Variants in RIMS2 observed in about 807,000 individuals in gnomAD.
The protein encoded by RIMS2 is regulating synaptic membrane exocytosis protein 2.
RIMS2 carries 59 observed loss-of-function variants against 174.4 expected under a neutral mutation model. The ratio of observed to expected loss-of-function variants is 0.34; its 90% CI spans 0.27 to 0.42. RIMS2 has a LOEUF of 0.42. RIMS2 is among the 10% of genes least tolerant of loss of function. The probability of loss-of-function intolerance (pLI) is 1.00; values close to 1 mark genes in which losing one functional copy is unlikely to be tolerated. For missense variants in RIMS2, 1,620 were observed against 1,666.3 expected (o/e 0.97, Z 0.48); for synonymous variants, 606 against 572.5 (o/e 1.06, Z -0.84).
intron 19 of RIMS2, chr8:104,148,825 G>A: frequency 6.3e-7 from 1 of 1,598,344 alleles, no homozygotes; most frequent in Non-Finnish European, 8.5e-7. Context: ...AAAAGTCGCA[G>A]TGCTTCTCAG....
chr8:103,555,608 T>C (rs565063334), intron 1 of RIMS2, among the ~76,000 whole-genome samples: 1 of 152,160 alleles, frequency 6.6e-6, no homozygotes, highest in South Asian at 2.1e-4. Context: ...AGATATGGAA[T>C]CAACCTAAGG....
chr8:103,834,827 T>G (rs185818578), intron 3 of RIMS2, among the ~76,000 whole-genome samples: 1 of 151,750 alleles, frequency 6.6e-6, no homozygotes, highest in Non-Finnish European at 1.5e-5. Flanking sequence ...CAGACTGGAC[T>G]GCAGTGGCGC....
chr8:104,211,164 G>C (rs2099103589), intron 19 of RIMS2, among the ~76,000 whole-genome samples: 1 of 152,030 alleles, frequency 6.6e-6, no homozygotes, highest in South Asian at 2.1e-4. Flanking sequence ...ATAAAACAGA[G>C]GTTTTTTCTA....
At chr8:104,158,137 A>G (rs1316983439) in intron 19 of RIMS2, among the ~76,000 whole-genome samples, 1 of 152,144 alleles carries the variant, frequency 6.6e-6, no homozygotes, top group Non-Finnish European at 1.5e-5. Flanking sequence ...TATGAGTGAG[A>G]ACATGCAGTA....
chr8:104,130,836 G>A (rs936363885), intron 19 of RIMS2, among the ~76,000 whole-genome samples: 1 of 151,968 alleles, frequency 6.6e-6, no homozygotes, highest in South Asian at 2.1e-4. Flanking sequence ...GTGCAAGAAC[G>A]GTATTTATGA....
intron 2 of RIMS2, 65 bp from the exon 6 acceptor site, chr8:103,766,162 T>C: frequency 8.5e-7 from 1 of 1,172,292 alleles, no homozygotes; most frequent in Non-Finnish European, 1.2e-6. Context: ...TGAATTTTTG[T>C]CTCTTTTTAT....
chr8:103,859,545 T>A (rs779576514), intron 3 of RIMS2, among the ~76,000 whole-genome samples: 8 of 151,988 alleles, frequency 5.3e-5, no homozygotes, highest in Non-Finnish European at 1.0e-4. Context: ...TATTCTTATT[T>A]CAACACAGAA....
chr8:103,906,402 T>C (rs576378569), intron 4 of RIMS2, among the ~76,000 whole-genome samples: 1 of 152,102 alleles, frequency 6.6e-6, no homozygotes, highest in South Asian at 2.1e-4. Context: ...CATGCCACCA[T>C]GCCCAGCTAG....
chr8:103,600,702 T>A (rs2094694713), intron 1 of RIMS2, among the ~76,000 whole-genome samples: 1 of 152,248 alleles, frequency 6.6e-6, no homozygotes, highest in Non-Finnish European at 1.5e-5. Flanking sequence ...TTGTTTTGGC[T>A]GTGTAACCAT....
chr8:104,055,229 T>A (rs1257075717), intron 19 of RIMS2, among the ~76,000 whole-genome samples: 1 of 152,158 alleles, frequency 6.6e-6, no homozygotes, highest in African/African-American at 2.4e-5. Context: ...TTTAATGCCA[T>A]AGTTAATATA....
At chr8:104,058,721 A>C (rs924120996) in intron 19 of RIMS2, among the ~76,000 whole-genome samples, 3 of 152,156 alleles carry the variant, frequency 2.0e-5, no homozygotes, top group Non-Finnish European at 4.4e-5. Context: ...TTAAGTCTTT[A>C]ATCCATCTTG....
intron 1 of RIMS2, among the ~76,000 whole-genome samples, chr8:103,610,633 A>T (rs922751335): frequency 6.6e-6 from 1 of 152,172 alleles, no homozygotes; most frequent in Non-Finnish European, 1.5e-5. Flanking sequence ...AATCATATTG[A>T]TTGATTTGCA....
At chr8:103,745,631 T>C (rs1006162002) in intron 2 of RIMS2, among the ~76,000 whole-genome samples, 5 of 152,188 alleles carry the variant, frequency 3.3e-5, no homozygotes, top group African/African-American at 1.2e-4. Context: ...CAACACTTAT[T>C]TTCTGTTCTT....
At chr8:103,969,751 T>C (rs937572450) in intron 15 of RIMS2, among the ~76,000 whole-genome samples, 4 of 152,204 alleles carry the variant, frequency 2.6e-5, no homozygotes, top group African/African-American at 9.7e-5. Flanking sequence ...TGTAATTTTT[T>C]TCTTTCTTTT....
At chr8:104,237,397 GTACTCAGGC>G (rs2099264226) in intron 19 of RIMS2, among the ~76,000 whole-genome samples, 1 of 152,132 alleles carries the variant, frequency 6.6e-6, no homozygotes, top group African/African-American at 2.4e-5. Flanking sequence ...GTGTGTGGCT[GTACTCAGGC>G]TGATGGAAGG....
rs377084083 is a variant in RIMS2 at position 104,058,389 on chromosome 8, A to G, written c.3334+43774A>G. Reference sequence around the variant, plus strand: ...CTTCTTTTGAGAAGTGTCTGTTCATATCCTTCGCCCACTTTTTGATGGGGT... The same window carrying G: ...CTTCTTTTGAGAAGTGTCTGTTCATGTCCTTCGCCCACTTTTTGATGGGGT... On this transcript the variant is annotated intron_variant, in intron 19 of 23. Transcript: ENST00000504942. Among the ~76,000 whole-genome samples the G allele has an allele frequency of 2.7e-5, 4 of 149,806 alleles. No individual in the cohort carries two copies. In the East Asian group the frequency reaches 5.8e-4, roughly 22 times the overall value.
At chr8:103,869,212 T>A (rs1045457351) in intron 3 of RIMS2, among the ~76,000 whole-genome samples, 1 of 150,370 alleles carries the variant, frequency 6.7e-6, no homozygotes, top group Non-Finnish European at 1.5e-5. Context: ...TTTTTTTTTT[T>A]AAGACGGAAT....
In RIMS2 at chr8:103,855,889, G is replaced by A. The variant is rs79170271; in HGVS notation, c.699-29409G>A. Among the ~76,000 whole-genome samples, 949 of 152,204 alleles carry A rather than the reference G, an allele frequency of 6.2e-3. 11 individuals carry two copies. The highest frequency in any genetic ancestry group is 0.022 in the African/African-American group (895 of 41,522). On this transcript the variant is annotated intron_variant, in intron 3 of 23. Coordinates refer to ENST00000504942, the Ensembl canonical transcript of RIMS2. ...TTAGGTCCAGTTGGTCAAGTGTCAA[G>A]TTTAAATCCAGAATTTGCTTGTTAG...
chr8:104,006,681 T>A (rs2095596304), intron 17 of RIMS2, among the ~76,000 whole-genome samples: 2 of 151,592 alleles, frequency 1.3e-5, no homozygotes, highest in South Asian at 4.2e-4. Context: ...TGTCTCTCTC[T>A]TTTTACTTAG....
Sources: gnomAD v4.1 joint callset for allele counts (sites outside exome capture counted in the v4.1 genomes callset) on GRCh38, gnomAD v4.1.1 for gene constraint, MANE v1.5 for transcripts, NCBI Gene and HGNC (gene_info 2026-07-23, HGNC 2026-07-21) for gene names.